The following ZZEF1 variants were observed in gnomAD, a reference collection of about 807,000 sequenced individuals.
The protein encoded by ZZEF1 is zinc finger ZZ-type and EF-hand domain containing 1.
ZZEF1 carries 157 observed loss-of-function variants against 342.8 expected under a neutral mutation model. The observed-to-expected ratio is 0.46, with a 90% CI of 0.40 to 0.52. The LOEUF (loss-of-function observed/expected upper bound fraction) is 0.52, where lower values mean the gene tolerates loss of function less well. ZZEF1 is among the 20% of genes least tolerant of loss of function. ZZEF1 has a pLI of 0.00. For missense variants in ZZEF1, 3,480 were observed against 3,725.6 expected, an observed-to-expected ratio of 0.93 and a Z score of 1.72; for synonymous variants, 1,505 against 1,429.1, an observed-to-expected ratio of 1.05 and a Z score of -1.20.
chr17:4,105,700 T>C lies in ZZEF1; in HGVS notation c.1387A>G (p.Ile463Val), dbSNP rs770627687. The change falls in exon 7 of 55, where the codon ATA (isoleucine) becomes GTA (valine). Residue 463 changes from isoleucine to valine, a missense_variant. This residue lies in a region of ZZEF1 where 1,528 missense variants were observed against 1,624.1 expected (regional missense o/e 0.94). Transcript: ENST00000381638. ...CATCAGCCTTGATTTTACCTAGTTA[T>C]CCTTATGAGGAAACTGTCCACTTCT... is the stretch of plus-strand genomic sequence containing the variant. ...LEEVDSFLIRITSCCSTPEVE... is the reference protein window; with the variant it reads ...LEEVDSFLIRVTSCCSTPEVE... 1 of 1,611,498 alleles carries C rather than the reference T, an allele frequency of 6.2e-7. No individual in the cohort carries two copies. Among genetic ancestry groups the C allele is most frequent in the Non-Finnish European group, 8.5e-7 (1 of 1,178,106 alleles).
chr17:4,142,311 A>T (rs763334906), intron 1 of ZZEF1, among the ~76,000 whole-genome samples: 3 of 152,246 alleles, frequency 2.0e-5, no homozygotes, highest in Non-Finnish European at 4.4e-5. Flanking sequence ...TACAACATAC[A>T]GAGAGAGACA....
intron 30 of ZZEF1, among the ~76,000 whole-genome samples, 164 bp downstream of exon 30, chr17:4,062,589 A>G (rs2057308048): frequency 6.6e-6 from 1 of 152,362 alleles, no homozygotes; most frequent in East Asian, 1.9e-4. Context: ...TTACATATTA[A>G]AAGGATATAA....
intron 37 of ZZEF1, among the ~76,000 whole-genome samples, chr17:4,046,119 G>T (rs1023386747): frequency 6.6e-6 from 1 of 152,150 alleles, no homozygotes; most frequent in East Asian, 1.9e-4. Flanking sequence ...GAGCCACCAC[G>T]CCCGGCCTCT....
intron 30 of ZZEF1, among the ~76,000 whole-genome samples, chr17:4,060,297 G>A (rs2057255715): frequency 6.6e-6 from 1 of 152,142 alleles, no homozygotes; most frequent in Admixed American, 6.5e-5. Flanking sequence ...AGGCATGGTG[G>A]CTCACATCTG....
chr17:4,134,029 T>A (rs1356544394), intron 1 of ZZEF1, among the ~76,000 whole-genome samples: 4 of 152,208 alleles, frequency 2.6e-5, no homozygotes, highest in African/African-American at 9.6e-5. Context: ...TAATAGATTC[T>A]ATTGATTCAT....
In ZZEF1 at chr17:4,052,951, G is replaced by A. The variant is rs115795827; in HGVS notation, c.5435-815C>T. ...GTCAGGAAAGAGATGGGCTGCACTG[G>A]TCTCCTTCTCACTCTAAGGCCCTTG... On this transcript the variant is annotated intron_variant, in intron 34 of 54. Transcript: ENST00000381638. Among the ~76,000 whole-genome samples, 1,333 of 152,248 alleles carry A rather than the reference G, an allele frequency of 8.8e-3. 17 individuals are homozygous for A. The highest frequency in any genetic ancestry group is 0.028 in the African/African-American group (1,160 of 41,522).
Position 4,137,386 on chromosome 17 carries a change from G to C in ZZEF1, c.354+5156C>G, listed in dbSNP as rs2085044. On this transcript the variant is annotated intron_variant, in intron 1 of 54. Coordinates refer to ENST00000381638, the MANE Select transcript of ZZEF1 (RefSeq NM_015113.4). ...AGCACTTTGGGAGGCCGAGGTGGGC[G>C]GATCACAAGGTCAGGAGATCGAGAC... Among the ~76,000 whole-genome samples, 1,106 of 152,008 alleles carry C rather than the reference G, an allele frequency of 7.3e-3. 11 individuals carry two copies. The highest frequency in any genetic ancestry group is 0.025 in the African/African-American group (1,046 of 41,438).
Position 4,042,516 on chromosome 17 carries a change from A to C in ZZEF1, c.6219T>G (p.Val2073=), listed in dbSNP as rs1322339533. The C allele has an allele frequency of 6.2e-7, 1 of 1,614,096 alleles. No homozygotes were observed. Among genetic ancestry groups the C allele is most frequent in the Non-Finnish European group, 8.5e-7 (1 of 1,180,006 alleles). ...SSQKPIEEKA[V]TPSPEQVFAE... is the part of the protein sequence containing the mutation. Reference sequence around the variant, plus strand: ...CAAACACTTGCTCAGGGCTTGGAGTAACTGCTTTTTCCTCTATGGGCTTCT... The same window carrying C: ...CAAACACTTGCTCAGGGCTTGGAGTCACTGCTTTTTCCTCTATGGGCTTCT... The change falls in exon 39 of 55, where the codon GTT becomes GTG. Residue 2073 remains valine (V), a synonymous_variant. Transcript: ENST00000381638.
At chr17:4,009,097 G>T in intron 53 of ZZEF1, 143 bp from the exon 54 acceptor site, 1 of 1,026,012 alleles carries the variant, frequency 9.7e-7, no homozygotes, top group Non-Finnish European at 1.4e-6. Flanking sequence ...GCGTGGCACT[G>T]CCTTGCTCAG....
At chr17:4,135,227 G>A (rs567210505) in intron 1 of ZZEF1, among the ~76,000 whole-genome samples, 39 of 152,318 alleles carry the variant, frequency 2.6e-4, no homozygotes, top group African/African-American at 8.7e-4. Context: ...TGTAATCCCA[G>A]CACTTCGGGA....
intron 30 of ZZEF1, 141 bp downstream of exon 30, chr17:4,062,612 T>G: frequency 1.1e-6 from 1 of 943,236 alleles, no homozygotes; most frequent in Non-Finnish European, 1.5e-6. Flanking sequence ...CATCTTTCCT[T>G]GGAATGAGAG....
At chr17:4,060,112 A>G (rs1474629048) in intron 30 of ZZEF1, among the ~76,000 whole-genome samples, 1 of 152,228 alleles carries the variant, frequency 6.6e-6, no homozygotes, top group African/African-American at 2.4e-5. Flanking sequence ...TGCCTGAGAA[A>G]TCTTATACCT....
At chr17:4,036,737 A>T (rs1473652666) in intron 39 of ZZEF1, among the ~76,000 whole-genome samples, 1 of 151,458 alleles carries the variant, frequency 6.6e-6, no homozygotes, top group Non-Finnish European at 1.5e-5. Flanking sequence ...ATCTTCAAAA[A>T]AAAAAAAGAG....
At chr17:4,030,764 G>C (rs1191145226) in intron 42 of ZZEF1, among the ~76,000 whole-genome samples, 1 of 152,226 alleles carries the variant, frequency 6.6e-6, no homozygotes, top group East Asian at 1.9e-4. Context: ...GAAACTGATA[G>C]AAACTCTTTT....
chr17:4,101,971 A>C (rs2058134660), intron 9 of ZZEF1, among the ~76,000 whole-genome samples: 1 of 152,176 alleles, frequency 6.6e-6, no homozygotes, highest in South Asian at 2.1e-4. Context: ...TCAGTAGTAA[A>C]GTGCTACTGA....
chr17:4,035,626 C>A (rs1164384504), intron 39 of ZZEF1, among the ~76,000 whole-genome samples: 4 of 152,184 alleles, frequency 2.6e-5, no homozygotes, highest in Admixed American at 2.0e-4. Context: ...AGAAGAGCAG[C>A]CTGATGTGAG....
At chr17:4,021,933 G>T (rs11868947) in intron 44 of ZZEF1, among the ~76,000 whole-genome samples, 27,289 of 146,646 alleles carry the variant, frequency 0.19, 2,570 homozygotes, top group Middle Eastern at 0.24. Flanking sequence ...AGTTTGGAGG[G>T]TTTTTTTTTT....
intron 2 of ZZEF1, among the ~76,000 whole-genome samples, chr17:4,117,605 G>A (rs1411787222): frequency 7.7e-6 from 1 of 129,454 alleles, no homozygotes; most frequent in South Asian, 2.5e-4. Flanking sequence ...CCCAGATCAC[G>A]CCACTGCACT....
chr17:4,142,041 T>C (rs1013451881), intron 1 of ZZEF1, among the ~76,000 whole-genome samples: 1 of 152,202 alleles, frequency 6.6e-6, no homozygotes, highest in East Asian at 1.9e-4. Context: ...CAGTATGTAT[T>C]TTAGAAAAGC....
Sources: gnomAD v4.1 joint callset for allele counts (sites outside exome capture counted in the v4.1 genomes callset) on GRCh38, gnomAD v4.1.1 for gene constraint, gnomAD v4.1.1 regional missense constraint, MANE v1.5 for transcripts, NCBI Gene and HGNC (gene_info 2026-07-23, HGNC 2026-07-21) for gene names.